The following ANKS1B variants were observed in gnomAD, a reference collection of about 807,000 sequenced individuals.
ANKS1B encodes the protein ankyrin repeat and sterile alpha motif domain containing 1B.
A neutral mutation model predicts 148.3 loss-of-function variants in ANKS1B; 36 were observed. The observed-to-expected ratio is 0.24, with a 90% confidence interval of 0.19 to 0.32. The LOEUF is 0.32. Ranked by LOEUF, ANKS1B falls within the 10% of genes least tolerant of loss-of-function variation. ANKS1B has a pLI of 1.00. For synonymous variants in ANKS1B, 542 were observed against 560.8 expected (o/e 0.97, Z 0.47); for missense variants, 1,157 against 1,542.6 (o/e 0.75, Z 4.19).
chr12:99,790,594 C>A (rs1271394610), intron 4 of ANKS1B, among the ~76,000 whole-genome samples: 1 of 151,802 alleles, frequency 6.6e-6, no homozygotes, highest in Non-Finnish European at 1.5e-5. Flanking sequence ...AGAGAAACAA[C>A]AAAAAGTTAA....
At chr12:98,991,404 G>C (rs189402225) in intron 17 of ANKS1B, among the ~76,000 whole-genome samples, 21 of 152,044 alleles carry the variant, frequency 1.4e-4, no homozygotes, top group Non-Finnish European at 4.4e-5. Context: ...AGTGAATTTG[G>C]GATGTTCTAT....
At chr12:98,999,382 G>T (rs1360756166) in intron 17 of ANKS1B, among the ~76,000 whole-genome samples, 1 of 152,086 alleles carries the variant, frequency 6.6e-6, no homozygotes, top group Admixed American at 6.5e-5. Flanking sequence ...TAGCTTATGT[G>T]GTTACAGCGT....
rs367815683 is a variant in ANKS1B, at chr12:98,916,962, AT to A, written c.2779-84827del. Among the ~76,000 whole-genome samples, 1,320 of 141,408 alleles carry A rather than the reference AT, an allele frequency of 9.3e-3. 5 individuals are homozygous for A. Among genetic ancestry groups the A allele is most frequent in the Middle Eastern group, 0.023 (6 of 266 alleles). 92.8% of individuals were successfully genotyped at this position (141,408 alleles called of 152,430 possible). A position where few individuals can be genotyped will look rare whatever the true frequency, so the allele number is the denominator to read the frequency against. On this transcript the variant is annotated intron_variant, in intron 17 of 26. Coordinates refer to ENST00000683438, the MANE Select transcript of ANKS1B (RefSeq NM_001352186.2). The stretch of plus-strand genomic sequence containing the variant: ...CTTATAGCAGCCCTAGTATTCAACT[AT>A]TTTTTTTTTTTTTTTGAGACAGGAT...
At chr12:99,154,444 C>T (rs757898757) in intron 14 of ANKS1B, 49 bp from the exon 15 acceptor site, 10 of 1,613,412 alleles carry the variant, frequency 6.2e-6, no homozygotes, top group African/African-American at 4.0e-5. Context: ...TAGCCGTCCA[C>T]GGGGTAATAG....
intron 14 of ANKS1B, among the ~76,000 whole-genome samples, chr12:99,162,613 A>G (rs1246290226): frequency 6.6e-6 from 1 of 152,090 alleles, no homozygotes; most frequent in Non-Finnish European, 1.5e-5. Context: ...ATATTCATAT[A>G]TATTTACCCA....
At chr12:99,896,549 CTT>C (rs1453731599) in intron 1 of ANKS1B, among the ~76,000 whole-genome samples, 2 of 151,156 alleles carry the variant, frequency 1.3e-5, no homozygotes, top group Non-Finnish European at 3.0e-5. Context: ...AAGAAAACCT[CTT>C]TCTTTTTGCT....
At chr12:99,951,304 C>T (rs747874129) in intron 1 of ANKS1B, among the ~76,000 whole-genome samples, 17 of 152,188 alleles carry the variant, frequency 1.1e-4, no homozygotes, top group African/African-American at 2.2e-4. Context: ...TTACATCCAC[C>T]GGTACTAGGA....
chr12:99,777,258 A>C (rs2063745961), intron 6 of ANKS1B, among the ~76,000 whole-genome samples: 1 of 152,210 alleles, frequency 6.6e-6, no homozygotes, highest in Admixed American at 6.5e-5. Flanking sequence ...CATACCATTC[A>C]AATAATTTCT....
At chr12:99,632,756 T>G (rs1282083872) in intron 9 of ANKS1B, among the ~76,000 whole-genome samples, 1 of 90,836 alleles carries the variant, frequency 1.1e-5, no homozygotes, top group Non-Finnish European at 2.4e-5. Flanking sequence ...TATATATATA[T>G]ATATATATAT....
intron 1 of ANKS1B, among the ~76,000 whole-genome samples, chr12:99,862,240 G>A (rs2090129256): frequency 6.6e-6 from 1 of 151,932 alleles, no homozygotes; most frequent in South Asian, 2.1e-4. Flanking sequence ...CATCAAAGAG[G>A]AAACAAAGCA....
chr12:99,882,182 A>G (rs978874777), intron 1 of ANKS1B, among the ~76,000 whole-genome samples: 3 of 152,246 alleles, frequency 2.0e-5, no homozygotes, highest in African/African-American at 4.8e-5. Context: ...AAGTATCAAT[A>G]AACTTGAAAG....
chr12:99,879,509 C>A (rs182957516), intron 1 of ANKS1B, among the ~76,000 whole-genome samples: 2 of 152,264 alleles, frequency 1.3e-5, no homozygotes, highest in East Asian at 3.9e-4. Flanking sequence ...CATCATCTCT[C>A]CCTCACAATC....
intron 1 of ANKS1B, among the ~76,000 whole-genome samples, chr12:99,933,471 T>C (rs1169461547): frequency 6.6e-6 from 1 of 152,160 alleles, no homozygotes; most frequent in African/African-American, 2.4e-5. Context: ...TGTAGAAATC[T>C]TTCACATCTT....
intron 1 of ANKS1B, among the ~76,000 whole-genome samples, chr12:99,945,805 T>G (rs1029582227): frequency 2.0e-5 from 3 of 152,202 alleles, no homozygotes; most frequent in Admixed American, 1.3e-4. Flanking sequence ...AAAACAGGCC[T>G]GGGAGGAGAG....
intron 1 of ANKS1B, among the ~76,000 whole-genome samples, chr12:99,828,009 T>C (rs1393674363): frequency 6.6e-6 from 1 of 152,212 alleles, no homozygotes; most frequent in Non-Finnish European, 1.5e-5. Context: ...ATAACAGCTC[T>C]ATAGGTAATA....
intron 9 of ANKS1B, among the ~76,000 whole-genome samples, chr12:99,531,270 TGTA>T (rs2096987179): frequency 6.6e-6 from 1 of 152,210 alleles, no homozygotes; most frequent in African/African-American, 2.4e-5. Flanking sequence ...TTGTTGTTGT[TGTA>T]GTATACATTT....
chr12:99,582,151 C>A (rs973176803), intron 9 of ANKS1B, among the ~76,000 whole-genome samples: 2 of 151,450 alleles, frequency 1.3e-5, no homozygotes, highest in African/African-American at 4.8e-5. Flanking sequence ...AATAACATAC[C>A]AGAACATACT....
chr12:99,753,517 G>A (rs1187124463), intron 8 of ANKS1B, among the ~76,000 whole-genome samples: 1 of 152,106 alleles, frequency 6.6e-6, no homozygotes, highest in Non-Finnish European at 1.5e-5. Context: ...ATACTTCAAT[G>A]TGTTTTTGTA....
chr12:99,855,772 T>C (rs372637184), intron 1 of ANKS1B, among the ~76,000 whole-genome samples: 1 of 151,846 alleles, frequency 6.6e-6, no homozygotes, highest in African/African-American at 2.4e-5. Flanking sequence ...CTCAAAACCA[T>C]GGAAATACAT....
Sources: gnomAD v4.1 joint callset for allele counts (sites outside exome capture counted in the v4.1 genomes callset) on GRCh38, gnomAD v4.1.1 for gene constraint, MANE v1.5 for transcripts, NCBI Gene and HGNC (gene_info 2026-07-23, HGNC 2026-07-21) for gene names.